The following ZNF644 variants were observed in gnomAD, a reference collection of about 807,000 sequenced individuals.
The protein encoded by ZNF644 is zinc finger protein 644, also known as zinc finger motif enhancer binding protein 2.
Under a neutral mutation model 108.0 loss-of-function variants are expected in ZNF644, and 20 were observed. That is an observed-to-expected ratio of 0.19 (90% CI 0.13 to 0.27). The LOEUF is 0.27. ZNF644 is among the 10% of genes least tolerant of loss of function. The pLI is 1.00. For missense variants in ZNF644, 1,338 were observed against 1,548.9 expected (o/e 0.86, Z 2.29); for synonymous variants, 542 against 539.1 (o/e 1.01, Z -0.08).
At chr1:90,982,929 T>C (rs1656709695) in intron 1 of ZNF644, among the ~76,000 whole-genome samples, 1 of 152,096 alleles carries the variant, frequency 6.6e-6, no homozygotes. Flanking sequence ...AATGTATCAA[T>C]ACTCCCCATC....
At chr1:90,955,200 G>C (rs977085450) in intron 2 of ZNF644, among the ~76,000 whole-genome samples, 4 of 152,212 alleles carry the variant, frequency 2.6e-5, no homozygotes, top group African/African-American at 9.6e-5. Flanking sequence ...TGCTGTAACA[G>C]GTGAACTGTC....
intron 1 of ZNF644, among the ~76,000 whole-genome samples, chr1:91,010,554 T>C (rs1659868986): frequency 6.6e-6 from 1 of 152,094 alleles, no homozygotes; most frequent in African/African-American, 2.4e-5. Context: ...CCCTAGCTGT[T>C]ATCTCCTTCC....
chr1:90,951,521 T>C (rs193072529), intron 2 of ZNF644, among the ~76,000 whole-genome samples: 1 of 152,304 alleles, frequency 6.6e-6, no homozygotes, highest in African/African-American at 2.4e-5. Context: ...TTCTCCCAGA[T>C]AGTCTCATGG....
intron 1 of ZNF644, among the ~76,000 whole-genome samples, chr1:90,987,319 G>A (rs1657208108): frequency 7.1e-6 from 1 of 140,364 alleles, no homozygotes. Context: ...AAGAAAAAGA[G>A]AAGACTTGAA....
chr1:90,972,387 A>G (rs1457699864), intron 2 of ZNF644, among the ~76,000 whole-genome samples: 2 of 152,222 alleles, frequency 1.3e-5, no homozygotes, highest in African/African-American at 4.8e-5. Context: ...GATGCTCAAC[A>G]TCACTAATTA....
intron 2 of ZNF644, among the ~76,000 whole-genome samples, chr1:90,951,628 T>C (rs1430799523): frequency 1.3e-5 from 2 of 152,144 alleles, no homozygotes; most frequent in African/African-American, 4.8e-5. Flanking sequence ...CCCAAAACCC[T>C]TACCTTCTCC....
chr1:90,946,240 C>A (rs1652506570), intron 2 of ZNF644, among the ~76,000 whole-genome samples: 1 of 152,014 alleles, frequency 6.6e-6, no homozygotes, highest in Non-Finnish European at 1.5e-5. Context: ...CAAGAGAAGA[C>A]AGAATGTATC....
rs1386314326 is a variant in ZNF644, at chr1:90,938,935, C to T, written c.2419G>A (p.Ala807Thr). The change falls in exon 3 of 6, where the codon GCT becomes ACT. Residue 807 changes from alanine (A) to threonine (T), a missense_variant. Coordinates refer to ENST00000337393, the MANE Select transcript of ZNF644 (RefSeq NM_201269.3). This position sits in a 1 kb window ranked among gnomAD's most constrained non-coding sequence, Gnocchi z 4.2. ...GATTCCTTAATTACTCTCTTTACAG[C>T]TACACGTCTGTGATCTTTGAAGCTT... ...PESFKDHRRV[A>T]VKRVIKESKK... The T allele has an allele frequency of 6.2e-7, 1 of 1,614,022 alleles. No individual in the cohort carries two copies. Among genetic ancestry groups the T allele is most frequent in the South Asian group, 1.1e-5 (1 of 91,082 alleles).
At chr1:90,921,660 C>A (rs966822368) in intron 4 of ZNF644, among the ~76,000 whole-genome samples, 19 of 151,672 alleles carry the variant, frequency 1.3e-4, no homozygotes, top group African/African-American at 4.6e-4. Flanking sequence ...TTTCAAGTTA[C>A]CTGATTTATA....
In ZNF644 at chr1:90,939,669, G is replaced by A. The variant is rs762150074; in HGVS notation, c.1685C>T (p.Ala562Val). ...VKCPMVTSDI[A>V]QRKTQKKTFM... The stretch of plus-strand genomic sequence containing the variant: ...AGTCTTTTTTTGTGTTTTTCTCTGG[G>A]CAATATCAGAAGTGACCATAGGGCA... The change falls in exon 3 of 6, where the codon GCC (alanine) becomes GTC (valine). Residue 562 changes from alanine (A) to valine (V), a missense_variant. Coordinates refer to ENST00000337393, the MANE Select transcript of ZNF644 (RefSeq NM_201269.3). 1 of 1,613,806 alleles carries A rather than the reference G, an allele frequency of 6.2e-7. No individual in the cohort carries two copies. Among genetic ancestry groups the A allele is most frequent in the African/African-American group, 1.3e-5 (1 of 74,898 alleles).
intron 2 of ZNF644, among the ~76,000 whole-genome samples, chr1:90,976,696 A>C (rs769677084): frequency 1.2e-4 from 19 of 152,134 alleles, no homozygotes; most frequent in African/African-American, 4.6e-4. Flanking sequence ...GCCTCCCTTT[A>C]AACAAATTTA....
intron 1 of ZNF644, among the ~76,000 whole-genome samples, chr1:90,984,672 C>T (rs895723079): frequency 1.3e-5 from 2 of 152,146 alleles, no homozygotes; most frequent in African/African-American, 4.8e-5. Context: ...GGATTACAGG[C>T]GTGAGCCACC....
At chr1:90,976,340 T>C (rs1656006421) in intron 2 of ZNF644, among the ~76,000 whole-genome samples, 1 of 152,202 alleles carries the variant, frequency 6.6e-6, no homozygotes, top group Non-Finnish European at 1.5e-5. Context: ...ACTAGTTGCA[T>C]GGTACTGGGA....
At position 90,924,975 on chromosome 1, in the gene ZNF644, G is replaced by A. The variant is rs371860619; in HGVS notation, c.3689-6821C>T. ...GTCTGAGTGTTATTTTATTATTTCC[G>A]TAAAGTCAATTAAAACATTACCTAA... is the stretch of plus-strand genomic sequence containing the variant. On this transcript the variant is annotated intron_variant, in intron 4 of 5. Transcript: ENST00000337393. Among the ~76,000 whole-genome samples, 53 of 152,194 alleles carry A rather than the reference G, an allele frequency of 3.5e-4. 1 individual carries two copies. In the East Asian group the frequency reaches 4.1e-3, roughly 12 times the overall value.
At position 90,938,916 on chromosome 1, in the gene ZNF644, T is replaced by C; in HGVS notation, c.2438A>G (p.Lys813Arg). 6.2e-7 allele frequency: 1 copy of C among 1,614,022 alleles called. No individual in the cohort carries two copies. Among genetic ancestry groups the C allele is most frequent in the Non-Finnish European group, 8.5e-7 (1 of 1,179,946 alleles). ...HRRVAVKRVI[K>R]ESKKESSVGG... ...AACAGAACTTTCCTTCTTAGATTCC[T>C]TAATTACTCTCTTTACAGCTACACG... Residue 813 changes from lysine (K) to arginine (R), a missense_variant, in exon 3 of 6, where the codon AAG (lysine) becomes AGG (arginine). This residue lies in a region of ZNF644 where 462 missense variants were observed against 472.6 expected (regional missense o/e 0.98). Transcript: ENST00000337393. The surrounding 1 kb of genome is among the most constrained non-coding windows in gnomAD (Gnocchi z 4.2).
chr1:90,949,937 A>G (rs1201474861), intron 2 of ZNF644, among the ~76,000 whole-genome samples: 1 of 152,048 alleles, frequency 6.6e-6, no homozygotes, highest in East Asian at 1.9e-4. Context: ...TTATACCACC[A>G]AACACCGTTC....
chr1:91,013,486 C>T (rs868159951), intron 1 of ZNF644, among the ~76,000 whole-genome samples: 9 of 147,086 alleles, frequency 6.1e-5, no homozygotes, highest in African/African-American at 7.7e-5. Flanking sequence ...CACACACATA[C>T]ACACACACAC....
chr1:90,991,006 CA>C (rs766855145), intron 1 of ZNF644, among the ~76,000 whole-genome samples: 1 of 152,098 alleles, frequency 6.6e-6, no homozygotes, highest in Non-Finnish European at 1.5e-5. Flanking sequence ...ATATATGTGT[CA>C]AAATTTTTCT....
At chr1:90,987,726 C>G (rs1000659877) in intron 1 of ZNF644, among the ~76,000 whole-genome samples, 3 of 151,974 alleles carry the variant, frequency 2.0e-5, no homozygotes, top group African/African-American at 7.2e-5. Flanking sequence ...ACACAACAAG[C>G]AAGAACAAAA....
Sources: gnomAD v4.1 joint callset for allele counts (sites outside exome capture counted in the v4.1 genomes callset) on GRCh38, gnomAD v4.1.1 for gene constraint, gnomAD v4.1.1 regional missense constraint, Gnocchi (gnomAD v3.1) non-coding constraint, MANE v1.5 for transcripts, NCBI Gene and HGNC (gene_info 2026-07-23, HGNC 2026-07-21) for gene names.